NEFH: variants seen among roughly 807,000 people sequenced by gnomAD.
NEFH encodes neurofilament heavy chain, also known as neurofilament heavy polypeptide.
Under a neutral mutation model 56.6 loss-of-function variants are expected in NEFH, and 58 were observed. The ratio of observed to expected loss-of-function variants is 1.03; its 90% CI spans 0.83 to 1.28. The LOEUF is 1.28. NEFH is among the 50% of genes most tolerant of loss of function. The pLI is 0.00. For missense variants in NEFH, 1,221 were observed against 1,307.6 expected (o/e 0.93, Z 1.02); for synonymous variants, 542 against 545.8 (o/e 0.99, Z 0.10).
intron 3 of NEFH, among the ~76,000 whole-genome samples, chr22:29,487,798 A>G (rs901063529): frequency 2.6e-5 from 4 of 152,232 alleles, no homozygotes; most frequent in Non-Finnish European, 4.4e-5. Flanking sequence ...TGAGACAAGC[A>G]TTCTGCCAAG....
At position 29,485,743 on chromosome 22, in the gene NEFH, C is replaced by A. The variant is rs770091029; in HGVS notation, c.1104C>A (p.Asp368Glu). ...ASYQEAIQQL[D>E]AELRNTKWEM... The stretch of plus-strand genomic sequence containing the variant: ...CCCAGGAAGCCATTCAGCAGCTGGA[C>A]GCTGAGCTGAGGAACACCAAGTGGG... Residue 368 changes from aspartate (D) to glutamate (E), a missense_variant, in exon 3 of 4, where the codon GAC (aspartate) becomes GAA (glutamate). By Grantham distance (45) the Asp-to-Glu change is conservative (BLOSUM62 2). Coordinates refer to ENST00000310624, the MANE Select transcript of NEFH (RefSeq NM_021076.4). The A allele has an allele frequency of 1.9e-6, 3 of 1,614,144 alleles. No homozygotes were observed.
At chr22:29,486,474 C>T (rs1324922440) in intron 3 of NEFH, among the ~76,000 whole-genome samples, 1 of 151,634 alleles carries the variant, frequency 6.6e-6, no homozygotes, top group African/African-American at 2.4e-5. Context: ...TTCTCTCCTT[C>T]CTTCAGCCCC....
rs992666406 is a variant in NEFH, at chr22:29,480,551, G to C, written c.289G>C (p.Glu97Gln). Reference sequence around the variant, plus strand: ...GGTGGCGGTGGCCACCTCACGCAGTGAGAAGGAGCAGCTGCAGGCGCTGAA... The same window carrying C: ...GGTGGCGGTGGCCACCTCACGCAGTCAGAAGGAGCAGCTGCAGGCGCTGAA... ...CMVAVATSRS[E>Q]KEQLQALNDR... is the part of the protein sequence containing the mutation. Residue 97 changes from glutamate (E) to glutamine (Q), a missense_variant, in exon 1 of 4, where the codon GAG becomes CAG. Transcript: ENST00000310624. 36 of 1,540,356 alleles carry C rather than the reference G, an allele frequency of 2.3e-5. No individual in the cohort carries two copies. Among genetic ancestry groups the C allele is most frequent in the Non-Finnish European group, 3.0e-5 (34 of 1,149,968 alleles).
Position 29,490,730 on chromosome 22 carries a change from AGCCAAAGAAAC to A in NEFH, c.*28_*38del. The A allele has an allele frequency of 6.2e-7, 1 of 1,613,748 alleles. No individual in the cohort carries two copies. On this transcript the variant is annotated 3_prime_UTR_variant, in exon 4 of 4. Transcript: ENST00000310624. ...GCAGGGAGAAAGGAACATCCGGAAC[AGCCAAAGAAAC>A]TCAGAAGAGTCCCGGAGCTCAAGGA...
At position 29,490,183 on chromosome 22, in the gene NEFH, C is replaced by T. The variant is rs2063072435; in HGVS notation, c.2543C>T (p.Pro848Leu). ...AAGAAGGCAGAGGAAGAGAAAGCCC[C>T]TGCCACACCAAAAACAGAGGAGAAG... is the stretch of plus-strand genomic sequence containing the variant. ...PPKKAEEEKA[P>L]ATPKTEEKKD... The change falls in exon 4 of 4, where the codon CCT (proline) becomes CTT (leucine). Residue 848 changes from proline (P) to leucine (L), a missense_variant. Physicochemically the swap from Pro to Leu is moderately conservative, Grantham distance 98. Coordinates refer to ENST00000310624, the MANE Select transcript of NEFH (RefSeq NM_021076.4). 8 of 1,612,066 alleles carry T rather than the reference C, an allele frequency of 5.0e-6. No homozygotes were observed. Among genetic ancestry groups the T allele is most frequent in the Non-Finnish European group, 6.8e-6 (8 of 1,179,076 alleles).
At chr22:29,481,185 G>A in intron 1 of NEFH, 40 bp downstream of exon 1, 2 of 1,524,604 alleles carry the variant, frequency 1.3e-6, no homozygotes, top group Non-Finnish European at 1.8e-6. Context: ...CGCCCCTGCT[G>A]ACCCCGCAGC....
At position 29,485,698 on chromosome 22, in the gene NEFH, G is replaced by A. The variant is rs373516936; in HGVS notation, c.1084-25G>A. On this transcript the variant is annotated intron_variant, in intron 2 of 3. Transcript: ENST00000310624. The stretch of plus-strand genomic sequence containing the variant: ...GAGGGCCAGACACTGGCTGGCATGT[G>A]ATGTGTGTCACCTCTCCTTCCCAGG... 4 of 1,611,070 alleles carry A rather than the reference G, an allele frequency of 2.5e-6. No individual in the cohort carries two copies. The South Asian group carries it at 4.4e-5, about 18-fold the overall frequency.
rs1171167858 is a variant in NEFH, at chr22:29,480,808, C to T, written c.546C>T (p.Arg182=). The T allele has an allele frequency of 7.1e-7, 1 of 1,404,046 alleles. No individual in the cohort carries two copies. The highest frequency in any genetic ancestry group is 9.2e-7 in the Non-Finnish European group (1 of 1,090,488). The allele number at this position is 1,404,046 out of a possible 1,614,324, so 87.0% of individuals were successfully genotyped here. The part of the protein sequence containing the change: ...EHLLEDIAHV[R]QRLDDEARQR... ...TGCTCGAGGACATCGCGCACGTGCG[C>T]CAGCGCCTAGACGACGAGGCCCGGC... Residue 182 remains arginine (R), a synonymous_variant, in exon 1 of 4, where the codon CGC becomes CGT. Coordinates refer to ENST00000310624, the MANE Select transcript of NEFH (RefSeq NM_021076.4).
intron 1 of NEFH, among the ~76,000 whole-genome samples, chr22:29,481,580 C>T (rs1421552191): frequency 6.6e-6 from 1 of 152,152 alleles, no homozygotes; most frequent in Non-Finnish European, 1.5e-5. Flanking sequence ...TCTCCTACAC[C>T]CCGCAAGAAA....
chr22:29,481,259 C>T lies in NEFH; in HGVS notation c.883+114C>T, dbSNP rs945159531. The stretch of plus-strand genomic sequence containing the variant: ...ACTGCGCGTGGAGTGGCGCGCTGCT[C>T]ACCTTCCCTCTGCAAAGTGCATGCC... On this transcript the variant is annotated intron_variant, in intron 1 of 3. Transcript: ENST00000310624. 1.0e-5 allele frequency: 11 copies of T among 1,056,422 alleles called. No homozygotes were observed. The Middle Eastern group carries it at 1.2e-3, about 115-fold the overall frequency. The allele number at this position is 1,056,422 out of a possible 1,614,324, so 65.4% of individuals were successfully genotyped here.
chr22:29,483,599 C>T (rs536660056), intron 2 of NEFH, 25 bp downstream of exon 2: 1 of 1,610,856 alleles, frequency 6.2e-7, no homozygotes, highest in South Asian at 1.1e-5. Flanking sequence ...GGCAGACAGC[C>T]AGACTGCCTT....
chr22:29,484,918 T>C (rs931732579), intron 2 of NEFH, among the ~76,000 whole-genome samples: 2 of 152,006 alleles, frequency 1.3e-5, no homozygotes, highest in Admixed American at 1.3e-4. Context: ...CACTAAAGTC[T>C]TGTACTTCCG....
chr22:29,480,966 A>C lies in NEFH; in HGVS notation c.704A>C (p.Gln235Pro), dbSNP rs1422053207. The C allele has an allele frequency of 6.5e-7, 1 of 1,530,892 alleles. No individual in the cohort carries two copies. The highest frequency in any genetic ancestry group is 8.7e-7 in the Non-Finnish European group (1 of 1,145,324). 94.8% of individuals were successfully genotyped at this position (1,530,892 alleles called of 1,614,324 possible). A position where few individuals can be genotyped will look rare whatever the true frequency, so the allele number is the denominator to read the frequency against. ...EECGYLRRHH[Q>P]EEVGELLGQI... Reference sequence around the variant, plus strand: ...TGCGGCTACCTGCGGCGCCACCACCAGGAAGAGGTGGGCGAGCTGCTCGGC... The same window carrying C: ...TGCGGCTACCTGCGGCGCCACCACCCGGAAGAGGTGGGCGAGCTGCTCGGC... Residue 235 changes from glutamine (Q) to proline (P), a missense_variant, in exon 1 of 4, where the codon CAG (glutamine) becomes CCG (proline). By Grantham distance (76) the Gln-to-Pro change is moderately conservative. This residue lies in a region of NEFH where 640 missense variants were observed against 555.5 expected (regional missense o/e 1.15). Coordinates refer to ENST00000310624, the MANE Select transcript of NEFH (RefSeq NM_021076.4).
At chr22:29,488,621 C>T (rs1162426156) in intron 3 of NEFH, among the ~76,000 whole-genome samples, 1 of 151,966 alleles carries the variant, frequency 6.6e-6, no homozygotes, top group East Asian at 1.9e-4. Flanking sequence ...TCAAAAACAA[C>T]AACATCAACA....
At chr22:29,482,954 G>T (rs1386619057) in intron 1 of NEFH, among the ~76,000 whole-genome samples, 1 of 152,092 alleles carries the variant, frequency 6.6e-6, no homozygotes, top group Non-Finnish European at 1.5e-5. Flanking sequence ...TCTGGCACAC[G>T]CAGTAGGTCA....
intron 1 of NEFH, among the ~76,000 whole-genome samples, chr22:29,482,494 GCTC>G (rs2063017970): frequency 6.6e-6 from 1 of 152,238 alleles, no homozygotes; most frequent in Non-Finnish European, 1.5e-5. Context: ...CAGGGGCAAT[GCTC>G]AGCTAGGTGG....
chr22:29,480,682 C>T lies in NEFH; in HGVS notation c.420C>T (p.Ser140=). 1 of 1,542,654 alleles carries T rather than the reference C, an allele frequency of 6.5e-7. No homozygotes were observed. Among genetic ancestry groups the T allele is most frequent in the Non-Finnish European group, 8.7e-7 (1 of 1,152,336 alleles). Residue 140 remains serine (S), a synonymous_variant, in exon 1 of 4, where the codon TCC becomes TCT. Coordinates refer to ENST00000310624, the MANE Select transcript of NEFH (RefSeq NM_021076.4). ...AALRQQQAGR[S]AMGELYEREV... is the part of the protein sequence containing the mutation. ...TGCGGCAGCAGCAGGCGGGCCGCTC[C>T]GCTATGGGCGAGCTGTACGAGCGCG... is the stretch of plus-strand genomic sequence containing the variant.
At chr22:29,486,563 C>T (rs1161320818) in intron 3 of NEFH, among the ~76,000 whole-genome samples, 2 of 143,944 alleles carry the variant, frequency 1.4e-5, no homozygotes, top group Non-Finnish European at 3.0e-5. Flanking sequence ...CACTCTGTTG[C>T]CCAGGCTGGA....
chr22:29,486,195 T>TC (rs1418763305), intron 3 of NEFH, among the ~76,000 whole-genome samples: 1 of 151,144 alleles, frequency 6.6e-6, no homozygotes, highest in East Asian at 1.9e-4. Flanking sequence ...ATTTTTATTT[T>TC]TTTTTTTTTA....
Sources: allele counts gnomAD v4.1 joint callset (sites outside exome capture counted in the v4.1 genomes callset), GRCh38; gene constraint gnomAD v4.1.1; regional missense constraint gnomAD v4.1.1; transcripts MANE v1.5; gene names NCBI Gene and HGNC (gene_info 2026-07-23, HGNC 2026-07-21).